Variants in WASHC2C observed in about 807,000 individuals in gnomAD.
WASHC2C encodes Vaccinia Penetration Factor.
Under a neutral mutation model 142.2 loss-of-function variants are expected in WASHC2C, and 73 were observed. The ratio of observed to expected loss-of-function variants is 0.51; its 90% CI spans 0.43 to 0.62. WASHC2C has a LOEUF of 0.62. Ranked by LOEUF, WASHC2C falls within the 20% of genes least tolerant of loss-of-function variation. The pLI is 0.00. For missense variants in WASHC2C, 969 were observed against 1,531.7 expected (o/e 0.63, Z 6.13); for synonymous variants, 337 against 565.5 (o/e 0.60, Z 5.73).
rs532101080 is a variant in WASHC2C, at chr10:45,781,293, T to C, written c.2478+2158T>C. 2.9e-4 allele frequency among the ~76,000 whole-genome samples: 44 copies of C among 152,374 alleles called. No homozygotes were observed. The South Asian group carries it at 8.3e-3, about 29-fold the overall frequency. ...ATATTGGTAAGGTGGCAATACTTCC[T>C]TCCCAAATTGATTTATTGTAATCTC... On this transcript the variant is annotated intron_variant, in intron 23 of 30. Transcript: ENST00000623400.
intron 3 of WASHC2C, among the ~76,000 whole-genome samples, chr10:45,737,775 T>A (rs1554865401): frequency 6.6e-6 from 1 of 150,562 alleles, no homozygotes; most frequent in African/African-American, 2.4e-5. Context: ...TAAATTTTTT[T>A]TTTTTTTTTT....
chr10:45,746,959 T>C (rs1215678246), intron 8 of WASHC2C, among the ~76,000 whole-genome samples: 1 of 152,208 alleles, frequency 6.6e-6, no homozygotes, highest in African/African-American at 2.4e-5. Context: ...CCTCTTCTGT[T>C]TTAAAATTGG....
At chr10:45,771,466 A>G (rs1554884664) in intron 20 of WASHC2C, 1 of 984,934 alleles carries the variant, frequency 1.0e-6, no homozygotes, top group Non-Finnish European at 1.2e-6. Flanking sequence ...TCATACCCCA[A>G]CACCCTCAGC....
intron 8 of WASHC2C, among the ~76,000 whole-genome samples, chr10:45,749,851 A>ATATATATT (rs797033033): frequency 0.02 from 2,179 of 107,564 alleles, 55 homozygotes; most frequent in African/African-American, 0.036. Context: ...ATATATATAT[A>ATATATATT]TATATTTATA....
At chr10:45,739,852 A>T (rs1469079851) in intron 4 of WASHC2C, among the ~76,000 whole-genome samples, 19 of 151,286 alleles carry the variant, frequency 1.3e-4, no homozygotes, top group Admixed American at 4.0e-4. Flanking sequence ...CTGGAACCTT[A>T]GGTAGTTTGA....
At chr10:45,743,324 A>G (rs1281853237) in intron 5 of WASHC2C, 66 bp from the exon 6 acceptor site, 2 of 1,599,472 alleles carry the variant, frequency 1.3e-6, no homozygotes, top group South Asian at 2.2e-5. Context: ...ACAGGGTATC[A>G]GGTGGCACAT....
chr10:45,787,502 T>C (rs2058128823), intron 28 of WASHC2C, among the ~76,000 whole-genome samples: 1 of 149,442 alleles, frequency 6.7e-6, no homozygotes, highest in South Asian at 2.2e-4. Flanking sequence ...TTGGCTGGTG[T>C]CTGACACCTG....
intron 23 of WASHC2C, among the ~76,000 whole-genome samples, chr10:45,784,273 T>TATATAC (rs2057801371): frequency 5.0e-4 from 4 of 8,036 alleles, no homozygotes; most frequent in Admixed American, 5.4e-3. Flanking sequence ...TATATATATA[T>TATATAC]ATATATATAT....
At chr10:45,743,118 C>G (rs2052344217) in intron 5 of WASHC2C, among the ~76,000 whole-genome samples, 1 of 151,748 alleles carries the variant, frequency 6.6e-6, no homozygotes, top group Non-Finnish European at 1.5e-5. Flanking sequence ...CTCAAGTGAT[C>G]CACCCGCCTT....
intron 23 of WASHC2C, among the ~76,000 whole-genome samples, chr10:45,784,269 T>TATACAC (rs1554888931): frequency 7.4e-5 from 1 of 13,488 alleles, no homozygotes; most frequent in Non-Finnish European, 1.5e-4. Context: ...TATATATATA[T>TATACAC]ATATATATAT....
intron 3 of WASHC2C, 59 bp from the exon 4 acceptor site, chr10:45,737,924 T>C: frequency 1.2e-6 from 2 of 1,611,848 alleles, no homozygotes; most frequent in Admixed American, 1.7e-5. Context: ...ATTCTTATAT[T>C]GTGATTTATT....
chr10:45,727,715 A>C, intron 2 of WASHC2C, among the ~76,000 whole-genome samples, 176 bp downstream of exon 2: 1 of 151,506 alleles, frequency 6.6e-6, no homozygotes, highest in East Asian at 2.0e-4. Context: ...GCCACCAGGG[A>C]GAGGGGCAGA....
intron 8 of WASHC2C, 76 bp downstream of exon 8, chr10:45,746,723 G>C: frequency 2.5e-6 from 4 of 1,576,754 alleles, no homozygotes; most frequent in Non-Finnish European, 3.5e-6. Context: ...AATTACTTTG[G>C]AATGATTTAT....
At chr10:45,786,809 T>C (rs2058078240) in intron 27 of WASHC2C, 135 bp downstream of exon 27, 9 of 1,540,714 alleles carry the variant, frequency 5.8e-6, no homozygotes, top group Non-Finnish European at 8.0e-6. Flanking sequence ...ACCTAGTTGT[T>C]GTCTCCTGTG....
chr10:45,745,516 A>G (rs1188434453), intron 7 of WASHC2C, among the ~76,000 whole-genome samples: 1 of 151,440 alleles, frequency 6.6e-6, no homozygotes, highest in Non-Finnish European at 1.5e-5. Flanking sequence ...AGTGTTGTGT[A>G]TGTGCTTTTC....
rs1564820948 is a variant in WASHC2C, at chr10:45,784,313, CACACACAT to C, written c.2479-250_2479-243del. 5.0e-3 allele frequency among the ~76,000 whole-genome samples: 291 copies of C among 58,454 alleles called. 11 individuals are homozygous for C. The highest frequency in any genetic ancestry group is 0.02 in the African/African-American group (278 of 14,214). The allele number at this position is 58,454 out of a possible 152,430, so 38.3% of individuals were successfully genotyped here. A position where few individuals can be genotyped will look rare whatever the true frequency, so the allele number is the denominator to read the frequency against. On this transcript the variant is annotated intron_variant, in intron 23 of 30. Transcript: ENST00000623400. ...ATACACATATATATATATATATATA[CACACACAT>C]ATATATATATATGTAAACTTTGTAT...
At chr10:45,780,830 T>TGCAA (rs2057442449) in intron 23 of WASHC2C, among the ~76,000 whole-genome samples, 1 of 151,592 alleles carries the variant, frequency 6.6e-6, no homozygotes, top group Non-Finnish European at 1.5e-5. Context: ...CTTGGCTCAC[T>TGCAA]GCAACCTTTG....
In WASHC2C at chr10:45,792,938, A is replaced by G. The variant is rs1455064632; in HGVS notation, c.*538A>G. 2.1e-6 allele frequency: 1 copy of G among 469,100 alleles called. No homozygotes were observed. The highest frequency in any genetic ancestry group is 4.4e-6 in the Non-Finnish European group (1 of 226,962). The allele number at this position is 469,100 out of a possible 1,614,324, so 29.1% of individuals were successfully genotyped here. A position where few individuals can be genotyped will look rare whatever the true frequency, so the allele number is the denominator to read the frequency against. On this transcript the variant is annotated 3_prime_UTR_variant, in exon 31 of 31. Coordinates refer to ENST00000623400, the MANE Select transcript of WASHC2C (RefSeq NM_001330074.2). ...GCCCCCCCACTGTCATATTTTGTTA[A>G]TAAAATTTTATTGGAACACAATCAC...
At chr10:45,763,661 T>C (rs1306036155) in intron 18 of WASHC2C, among the ~76,000 whole-genome samples, 172 bp downstream of exon 18, 2 of 152,050 alleles carry the variant, frequency 1.3e-5, no homozygotes, top group East Asian at 3.8e-4. Flanking sequence ...ACTTCTTCCT[T>C]ATATTTTCCT....
Sources: allele counts gnomAD v4.1 joint callset (sites outside exome capture counted in the v4.1 genomes callset), GRCh38; gene constraint gnomAD v4.1.1; transcripts MANE v1.5; gene names NCBI Gene and HGNC (gene_info 2026-07-23, HGNC 2026-07-21).